The following XXYLT1 variants were observed in gnomAD, a reference collection of about 807,000 sequenced individuals.
XXYLT1 encodes xyloside xylosyltransferase 1.
A neutral mutation model predicts 28.9 loss-of-function variants in XXYLT1; 20 were observed. The ratio of observed to expected loss-of-function variants is 0.69; its 90% CI spans 0.49 to 1.00. XXYLT1 has a LOEUF of 1.00. XXYLT1 is among the 50% of genes least tolerant of loss of function. The pLI is 0.00. For missense variants in XXYLT1, 542 were observed against 560.1 expected (o/e 0.97, Z 0.33); for synonymous variants, 257 against 253.8 (o/e 1.01, Z -0.12).
At position 195,210,089 on chromosome 3, in the gene XXYLT1, A is replaced by G. The variant is rs753060287; in HGVS notation, c.652+16620T>C. Among the ~76,000 whole-genome samples the G allele has an allele frequency of 4.6e-4, 68 of 148,510 alleles. No individual in the cohort carries two copies. The highest frequency in any genetic ancestry group is 8.7e-4 in the Non-Finnish European group (59 of 67,938). On this transcript the variant is annotated intron_variant, in intron 2 of 3. Transcript: ENST00000310380. The surrounding 1 kb of genome is among the most constrained non-coding windows in gnomAD (Gnocchi z 4.8). ...CCAGGCTGAGGCCCCGGCCGCCCGC[A>G]CACCCTGGCCCAGAATGCCTGCTCG...
intron 3 of XXYLT1, 148 bp downstream of exon 3, chr3:195,156,301 G>C (rs1720584906): frequency 1.4e-5 from 19 of 1,357,796 alleles, no homozygotes; most frequent in Admixed American, 2.4e-5. Context: ...ACAATCAACT[G>C]TAAGCAATAA....
Position 195,069,968 on chromosome 3 carries a change from A to C in XXYLT1, c.929T>G (p.Leu310Arg), listed in dbSNP as rs887226670. The change falls in exon 4 of 4, where the codon CTG (leucine) becomes CGG (arginine). Residue 310 changes from leucine (L) to arginine (R), a missense_variant. By Grantham distance (102) the Leu-to-Arg change is moderately radical. Coordinates refer to ENST00000310380, the MANE Select transcript of XXYLT1 (RefSeq NM_152531.5). ...CAGCTGCTGCACCTGCGCCGGCTCC[A>C]GCAGGCGGCTGTAGAGCGGGGACTG... ...MRQSPLYSRL[L>R]EPAQVQQLAD... 11 of 1,611,450 alleles carry C rather than the reference A, an allele frequency of 6.8e-6. No homozygotes were observed. Among genetic ancestry groups the C allele is most frequent in the Non-Finnish European group, 8.5e-6 (10 of 1,179,694 alleles).
At chr3:195,103,508 T>C (rs1014163850) in intron 3 of XXYLT1, among the ~76,000 whole-genome samples, 4 of 152,222 alleles carry the variant, frequency 2.6e-5, no homozygotes, top group Non-Finnish European at 5.9e-5. Context: ...TCACACACAC[T>C]CAGAACCTAG....
In XXYLT1 at chr3:195,256,112, GGAGGGACAA is replaced by G. The variant is rs1388362935; in HGVS notation, c.504+14434_504+14442del. Among the ~76,000 whole-genome samples the G allele has an allele frequency of 6.6e-6, 1 of 152,184 alleles. No individual in the cohort carries two copies. The highest frequency in any genetic ancestry group is 1.5e-5 in the Non-Finnish European group (1 of 68,030). ...GCTCTCACAGAGCATTCCTGGCTTT[GGAGGGACAA>G]GAACAAACCGCCAAAATCAACAGGC... On this transcript the variant is annotated intron_variant, in intron 1 of 3. Coordinates refer to ENST00000310380, the MANE Select transcript of XXYLT1 (RefSeq NM_152531.5). The surrounding 1 kb of genome is among the most constrained non-coding windows in gnomAD (Gnocchi z 4.2).
At chr3:195,235,915 CAT>C (rs1724518708) in intron 1 of XXYLT1, among the ~76,000 whole-genome samples, 1 of 145,424 alleles carries the variant, frequency 6.9e-6, no homozygotes, top group Non-Finnish European at 1.5e-5. Flanking sequence ...TAGACATAGA[CAT>C]AGACATAGAC....
chr3:195,245,187 G>A (rs1003669710), intron 1 of XXYLT1, among the ~76,000 whole-genome samples: 1 of 146,002 alleles, frequency 6.8e-6, no homozygotes, highest in African/African-American at 2.5e-5. Context: ...TTGAGACGGA[G>A]TCTCGCTCTG....
At chr3:195,098,739 A>G (rs9853846) in intron 3 of XXYLT1, among the ~76,000 whole-genome samples, 1 of 151,972 alleles carries the variant, frequency 6.6e-6, no homozygotes, top group Non-Finnish European at 1.5e-5. Flanking sequence ...TTTTTTTCCT[A>G]TGGGTTCTGA....
intron 1 of XXYLT1, among the ~76,000 whole-genome samples, chr3:195,253,242 G>A (rs1397123916): frequency 6.6e-6 from 1 of 152,058 alleles, no homozygotes; most frequent in Non-Finnish European, 1.5e-5. Flanking sequence ...CATATTTCCA[G>A]GCTGGAACAA....
intron 2 of XXYLT1, chr3:195,207,604 G>C: frequency 2.7e-6 from 1 of 373,218 alleles, no homozygotes; most frequent in Non-Finnish European, 5.4e-6. Flanking sequence ...AGCTCTCTCT[G>C]TGCTGAGATC....
chr3:195,143,719 T>C (rs1246690760), intron 3 of XXYLT1, among the ~76,000 whole-genome samples: 1 of 149,172 alleles, frequency 6.7e-6, no homozygotes, highest in Admixed American at 6.7e-5. Context: ...CTTGTACCTG[T>C]TGCAGTATGT....
At position 195,078,628 on chromosome 3, in the gene XXYLT1, C is replaced by T. The variant is rs1715256504; in HGVS notation, c.786-8517G>A. ...TCGACTGCCCGTTCTCTGCCTCTCA[C>T]TCAAACACTTGGATCTGGACAGAAT... On this transcript the variant is annotated intron_variant, in intron 3 of 3. Coordinates refer to ENST00000310380, the MANE Select transcript of XXYLT1 (RefSeq NM_152531.5). This position sits in a 1 kb window ranked among gnomAD's most constrained non-coding sequence, Gnocchi z 5.0. Among the ~76,000 whole-genome samples the T allele has an allele frequency of 6.6e-6, 1 of 152,142 alleles. No homozygotes were observed. Among genetic ancestry groups the T allele is most frequent in the Non-Finnish European group, 1.5e-5 (1 of 68,034 alleles).
intron 2 of XXYLT1, among the ~76,000 whole-genome samples, chr3:195,169,450 G>T (rs1721287288): frequency 6.6e-6 from 1 of 152,244 alleles, no homozygotes; most frequent in African/African-American, 2.4e-5. Flanking sequence ...TGTGCGTACA[G>T]GGAGGTGTCT....
chr3:195,250,898 G>A (rs948624385), intron 1 of XXYLT1, among the ~76,000 whole-genome samples: 5 of 152,220 alleles, frequency 3.3e-5, no homozygotes, highest in African/African-American at 1.2e-4. Context: ...CAGGCTGAAT[G>A]ATGGCTTCAG....
chr3:195,206,376 A>G (rs138333194), intron 2 of XXYLT1, among the ~76,000 whole-genome samples: 252 of 151,172 alleles, frequency 1.7e-3, no homozygotes, highest in African/African-American at 5.9e-3. Context: ...CATGTAGTCA[A>G]TTCAAGAATG....
chr3:195,246,413 C>T (rs996299868), intron 1 of XXYLT1, among the ~76,000 whole-genome samples: 1 of 152,198 alleles, frequency 6.6e-6, no homozygotes, highest in Non-Finnish European at 1.5e-5. Context: ...AGACGAAGAC[C>T]GTGTAAGCAC....
At chr3:195,163,681 T>C (rs985508844) in intron 2 of XXYLT1, among the ~76,000 whole-genome samples, 1 of 152,214 alleles carries the variant, frequency 6.6e-6, no homozygotes, top group Non-Finnish European at 1.5e-5. Context: ...AGAACACCTC[T>C]AGCAGCAACA....
At chr3:195,220,624 G>A (rs1723784080) in intron 2 of XXYLT1, among the ~76,000 whole-genome samples, 1 of 152,044 alleles carries the variant, frequency 6.6e-6, no homozygotes, top group South Asian at 2.1e-4. Flanking sequence ...AGACCTGCCT[G>A]CCTCAGTGCT....
At chr3:195,190,633 A>C (rs902047201) in intron 2 of XXYLT1, among the ~76,000 whole-genome samples, 3 of 152,076 alleles carry the variant, frequency 2.0e-5, no homozygotes, top group Non-Finnish European at 4.4e-5. Context: ...TAAAAGATTG[A>C]ATATATTTTT....
intron 3 of XXYLT1, among the ~76,000 whole-genome samples, chr3:195,155,336 G>A (rs1720507843): frequency 6.6e-6 from 1 of 152,174 alleles, no homozygotes; most frequent in Non-Finnish European, 1.5e-5. Context: ...CAGCATCACG[G>A]TGTGCACTGA....
Sources: allele counts gnomAD v4.1 joint callset (sites outside exome capture counted in the v4.1 genomes callset), GRCh38; gene constraint gnomAD v4.1.1; non-coding constraint Gnocchi (gnomAD v3.1); transcripts MANE v1.5; gene names NCBI Gene and HGNC (gene_info 2026-07-23, HGNC 2026-07-21).